The following NEGR1 variants were observed in gnomAD, a reference collection of about 807,000 sequenced individuals.
The protein encoded by NEGR1 is neuronal growth regulator 1.
NEGR1 carries 10 observed loss-of-function variants against 40.9 expected under a neutral mutation model. The observed-to-expected ratio is 0.24, with a 90% confidence interval of 0.15 to 0.42. The LOEUF (loss-of-function observed/expected upper bound fraction) is 0.42. Ranked by LOEUF, NEGR1 falls within the 10% of genes least tolerant of loss-of-function variation. The probability of loss-of-function intolerance (pLI) is 1.00; values close to 1 mark genes in which losing one functional copy is unlikely to be tolerated. For missense variants in NEGR1, 352 were observed against 438.9 expected, an observed-to-expected ratio of 0.80 and a Z score of 1.77; for synonymous variants, 185 against 166.8, an observed-to-expected ratio of 1.11 and a Z score of -0.84.
At chr1:71,875,023 T>G (rs771110670) in intron 2 of NEGR1, among the ~76,000 whole-genome samples, 1 of 151,998 alleles carries the variant, frequency 6.6e-6, no homozygotes, top group Admixed American at 6.6e-5. Flanking sequence ...ATTTTTAAAT[T>G]TTTTCTAGAG....
intron 6 of NEGR1, among the ~76,000 whole-genome samples, chr1:71,473,038 G>C (rs1006481041): frequency 2.0e-5 from 3 of 151,934 alleles, no homozygotes; most frequent in Admixed American, 6.6e-5. Flanking sequence ...TATATGTGTA[G>C]TTAAGAAAAA....
chr1:71,610,979 G>A (rs780706498), intron 5 of NEGR1, 47 bp downstream of exon 5: 19 of 1,576,744 alleles, frequency 1.2e-5, no homozygotes, highest in East Asian at 2.3e-5. Flanking sequence ...ACACAAGCAC[G>A]TTAGCTCAAA....
intron 3 of NEGR1, among the ~76,000 whole-genome samples, chr1:71,719,758 TA>T (rs1557626367): frequency 6.6e-6 from 1 of 152,148 alleles, no homozygotes; most frequent in Non-Finnish European, 1.5e-5. Context: ...GTATTTCTCC[TA>T]ATGCTATCCC....
chr1:72,195,487 G>A (rs1246185306), intron 1 of NEGR1, among the ~76,000 whole-genome samples: 1 of 151,568 alleles, frequency 6.6e-6, no homozygotes, highest in African/African-American at 2.4e-5. Flanking sequence ...ATTACATAAT[G>A]TAATGTCTTC....
At chr1:71,756,401 C>CAAAAA (rs1557640456) in intron 3 of NEGR1, among the ~76,000 whole-genome samples, 2 of 53,114 alleles carry the variant, frequency 3.8e-5, no homozygotes, top group African/African-American at 1.3e-4. Flanking sequence ...AAACAAAAAA[C>CAAAAA]AAAAACAAAC....
chr1:72,154,290 G>C (rs1651275188), intron 1 of NEGR1, among the ~76,000 whole-genome samples: 1 of 151,868 alleles, frequency 6.6e-6, no homozygotes, highest in African/African-American at 2.4e-5. Flanking sequence ...GAATTCACTA[G>C]ACATTCAAAT....
chr1:71,875,759 A>G (rs1660409505), intron 2 of NEGR1, among the ~76,000 whole-genome samples: 1 of 152,186 alleles, frequency 6.6e-6, no homozygotes, highest in Non-Finnish European at 1.5e-5. Flanking sequence ...CTAAGCCTCA[A>G]GATTTTAATA....
At chr1:72,106,154 A>C (rs1649126063) in intron 1 of NEGR1, among the ~76,000 whole-genome samples, 1 of 152,110 alleles carries the variant, frequency 6.6e-6, no homozygotes, top group African/African-American at 2.4e-5. Context: ...AGAACATTTA[A>C]GAATAGTAAC....
At chr1:71,686,128 C>A (rs1048287089) in intron 4 of NEGR1, among the ~76,000 whole-genome samples, 24 of 152,052 alleles carry the variant, frequency 1.6e-4, no homozygotes, top group Non-Finnish European at 8.8e-5. Flanking sequence ...CATTATCTCT[C>A]TACTCTTCTC....
At chr1:71,686,597 A>T (rs1653048057) in intron 4 of NEGR1, among the ~76,000 whole-genome samples, 1 of 152,172 alleles carries the variant, frequency 6.6e-6, no homozygotes, top group Non-Finnish European at 1.5e-5. Flanking sequence ...TTGCACTAGA[A>T]CTCAGTCACA....
chr1:71,817,478 C>T (rs1658266545), intron 2 of NEGR1, among the ~76,000 whole-genome samples: 1 of 152,000 alleles, frequency 6.6e-6, no homozygotes, highest in Admixed American at 6.6e-5. Flanking sequence ...GGCGCTATTC[C>T]CTAATAAACA....
At chr1:71,629,972 T>C (rs1650919910) in intron 4 of NEGR1, among the ~76,000 whole-genome samples, 1 of 151,966 alleles carries the variant, frequency 6.6e-6, no homozygotes, top group African/African-American at 2.4e-5. Context: ...AGAGCATTTT[T>C]CAATGAATAA....
chr1:71,898,980 G>GTA (rs1661062571), intron 2 of NEGR1, among the ~76,000 whole-genome samples: 1 of 10,874 alleles, frequency 9.2e-5, no homozygotes, highest in East Asian at 5.3e-3. Flanking sequence ...TATATATATA[G>GTA]CATATATATA....
intron 4 of NEGR1, among the ~76,000 whole-genome samples, chr1:71,614,748 C>T (rs1650388082): frequency 6.6e-6 from 1 of 152,084 alleles, no homozygotes; most frequent in Non-Finnish European, 1.5e-5. Flanking sequence ...CGGAACATTG[C>T]CTGAAAACCG....
chr1:72,077,466 G>C (rs1231605051), intron 1 of NEGR1, among the ~76,000 whole-genome samples: 1 of 151,934 alleles, frequency 6.6e-6, no homozygotes, highest in Non-Finnish European at 1.5e-5. Flanking sequence ...CCATCTCAGG[G>C]TAAATCTGAC....
intron 2 of NEGR1, among the ~76,000 whole-genome samples, chr1:71,810,830 T>A (rs1327086582): frequency 6.6e-6 from 1 of 152,058 alleles, no homozygotes; most frequent in Non-Finnish European, 1.5e-5. Flanking sequence ...TCCTGAGGCC[T>A]CCCCAGCCAT....
At chr1:71,802,931 C>T (rs768090221) in intron 2 of NEGR1, among the ~76,000 whole-genome samples, 1 of 152,124 alleles carries the variant, frequency 6.6e-6, no homozygotes, top group African/African-American at 2.4e-5. Flanking sequence ...AGACTTTGGA[C>T]TTGAAATTTA....
intron 2 of NEGR1, among the ~76,000 whole-genome samples, chr1:71,864,013 T>C (rs75779647): frequency 0.017 from 2,622 of 152,276 alleles, 37 homozygotes; most frequent in South Asian, 0.03. Flanking sequence ...TTGCCCAAAG[T>C]CACACATCAG....
chr1:71,803,270 G>C (rs1657627154), intron 2 of NEGR1, among the ~76,000 whole-genome samples: 1 of 152,060 alleles, frequency 6.6e-6, no homozygotes, highest in African/African-American at 2.4e-5. Flanking sequence ...GACACAACCA[G>C]AATGTGGCTA....
Sources: gnomAD v4.1 joint callset for allele counts (sites outside exome capture counted in the v4.1 genomes callset) on GRCh38, gnomAD v4.1.1 for gene constraint, MANE v1.5 for transcripts, NCBI Gene and HGNC (gene_info 2026-07-23, HGNC 2026-07-21) for gene names.